Variants in JAK2 observed in about 807,000 individuals in gnomAD.
JAK2 encodes the protein Janus kinase 2.
JAK2 carries 86 observed loss-of-function variants against 139.3 expected under a neutral mutation model. That is an observed-to-expected ratio of 0.62 (90% CI 0.52 to 0.74). The LOEUF is 0.74. Among genes scored for constraint, JAK2 ranks in the 30% least tolerant of loss-of-function variants. The pLI is 0.00. For synonymous variants in JAK2, 490 were observed against 437.7 expected (o/e 1.12, Z -1.49); for missense variants, 1,421 against 1,360.3 (o/e 1.04, Z -0.70).
chr9:5,080,954 G>T (rs1344591452), intron 18 of JAK2, among the ~76,000 whole-genome samples: 7 of 142,034 alleles, frequency 4.9e-5, no homozygotes, highest in Admixed American at 2.9e-4. Context: ...GGAGTGCAGT[G>T]GCGCGATCTC....
At chr9:5,078,621 C>G (rs1159873678) in intron 16 of JAK2, among the ~76,000 whole-genome samples, 177 bp downstream of exon 16, 2 of 151,958 alleles carry the variant, frequency 1.3e-5, no homozygotes, top group African/African-American at 2.4e-5. Context: ...ATTTTTCTTT[C>G]TTATAAGCAT....
intron 14 of JAK2, among the ~76,000 whole-genome samples, chr9:5,075,043 C>G (rs965255460): frequency 6.6e-6 from 1 of 151,964 alleles, no homozygotes; most frequent in African/African-American, 2.4e-5. Flanking sequence ...TCACAACATT[C>G]CCTTGAGCCA....
At chr9:5,113,361 C>A (rs772176326) in intron 22 of JAK2, among the ~76,000 whole-genome samples, 3 of 149,384 alleles carry the variant, frequency 2.0e-5, no homozygotes, top group Non-Finnish European at 3.0e-5. Flanking sequence ...TCTTCAAAAG[C>A]CAGCAGCAAA....
intron 2 of JAK2, among the ~76,000 whole-genome samples, chr9:4,986,404 A>G (rs1819953253): frequency 6.6e-6 from 1 of 152,300 alleles, no homozygotes; most frequent in South Asian, 2.1e-4. Context: ...GGTTTCTGCT[A>G]CCACATTGAA....
intron 5 of JAK2, 53 bp downstream of exon 5, chr9:5,044,573 G>C: frequency 9.0e-7 from 1 of 1,116,870 alleles, no homozygotes; most frequent in Non-Finnish European, 1.3e-6. Flanking sequence ...ATATCTTGCT[G>C]TTTAATAAGT....
chr9:5,038,812 C>T (rs1816270209), intron 4 of JAK2, among the ~76,000 whole-genome samples: 1 of 151,956 alleles, frequency 6.6e-6, no homozygotes, highest in Admixed American at 6.6e-5. Context: ...ATACTATGAC[C>T]AGGTGGGATT....
At chr9:5,084,037 T>C (rs1459451287) in intron 19 of JAK2, among the ~76,000 whole-genome samples, 4 of 152,188 alleles carry the variant, frequency 2.6e-5, no homozygotes, top group Non-Finnish European at 5.9e-5. Context: ...TTTATTGTAA[T>C]TTTGAGTTAA....
chr9:5,105,638 G>A (rs544756749), intron 22 of JAK2, among the ~76,000 whole-genome samples: 1 of 152,296 alleles, frequency 6.6e-6, no homozygotes, highest in South Asian at 2.1e-4. Flanking sequence ...CAAAGCTGGA[G>A]GCATCACACT....
intron 2 of JAK2, among the ~76,000 whole-genome samples, chr9:5,000,335 G>A (rs187339589): frequency 2.9e-4 from 44 of 152,084 alleles, no homozygotes; most frequent in Admixed American, 6.5e-4. Flanking sequence ...GGAAATAGTC[G>A]GAAATGTCCA....
Position 5,127,125 on chromosome 9 carries a change from T to TAAAATG in JAK2, c.*334_*335insAAAATG. 3.7e-6 allele frequency: 1 copy of TAAAATG among 269,046 alleles called. No individual in the cohort carries two copies. The highest frequency in any genetic ancestry group is 7.1e-6 in the Non-Finnish European group (1 of 140,748). The allele number at this position is 269,046 out of a possible 1,614,324, so 16.7% of individuals were successfully genotyped here. Reference sequence around the variant, plus strand: ...ACCTGAAAAAATTATTATGTAAATTTTGCAATGTTAAAGATGCACAGAATA... The same window carrying TAAAATG: ...ACCTGAAAAAATTATTATGTAAATTTAAAATGTGCAATGTTAAAGATGCACAGAATA... On this transcript the variant is annotated 3_prime_UTR_variant, in exon 25 of 25. Coordinates refer to ENST00000381652, the MANE Select transcript of JAK2 (RefSeq NM_004972.4).
At chr9:5,055,185 A>G (rs945193959) in intron 7 of JAK2, among the ~76,000 whole-genome samples, 3 of 152,036 alleles carry the variant, frequency 2.0e-5, no homozygotes, top group African/African-American at 7.2e-5. Context: ...GTGATAACAG[A>G]AGGCATAATT....
chr9:5,079,384 T>G (rs908220144), intron 16 of JAK2, among the ~76,000 whole-genome samples: 1 of 152,162 alleles, frequency 6.6e-6, no homozygotes, highest in Non-Finnish European at 1.5e-5. Context: ...CACAGAAACT[T>G]TACTTGAGAA....
intron 16 of JAK2, among the ~76,000 whole-genome samples, chr9:5,079,031 T>C (rs1819497963): frequency 6.6e-6 from 1 of 152,234 alleles, no homozygotes; most frequent in Non-Finnish European, 1.5e-5. Context: ...TTGGATGTTC[T>C]AAATTTAGAT....
At chr9:5,100,739 C>G (rs1052593233) in intron 22 of JAK2, 12 of 152,150 alleles carry the variant, frequency 7.9e-5, no homozygotes, top group African/African-American at 2.9e-4. Flanking sequence ...TCACGATTAC[C>G]TTAGGTATTT....
intron 2 of JAK2, among the ~76,000 whole-genome samples, chr9:4,995,897 G>A (rs1217728105): frequency 2.0e-5 from 3 of 151,716 alleles, no homozygotes; most frequent in Non-Finnish European, 4.4e-5. Flanking sequence ...TGTACTTACT[G>A]AATGGGCATT....
At chr9:5,045,895 A>G (rs1386298852) in intron 5 of JAK2, among the ~76,000 whole-genome samples, 1 of 152,132 alleles carries the variant, frequency 6.6e-6, no homozygotes, top group African/African-American at 2.4e-5. Flanking sequence ...GTTCTTTTCA[A>G]TATATACCCA....
intron 20 of JAK2, 73 bp downstream of exon 20, chr9:5,089,936 T>C (rs1204506804): frequency 2.9e-6 from 3 of 1,044,424 alleles, no homozygotes; most frequent in Non-Finnish European, 3.9e-6. Flanking sequence ...AAATGTACAA[T>C]GTCTTAACGA....
intron 22 of JAK2, among the ~76,000 whole-genome samples, chr9:5,118,940 C>A (rs922084224): frequency 2.6e-5 from 4 of 152,050 alleles, no homozygotes; most frequent in African/African-American, 9.7e-5. Flanking sequence ...GAAAAGTATA[C>A]CAAAAAGCTT....
intron 2 of JAK2, among the ~76,000 whole-genome samples, chr9:4,986,897 G>T (rs556101195): frequency 1.3e-5 from 2 of 152,240 alleles, no homozygotes; most frequent in East Asian, 3.9e-4. Context: ...CATCATGTTG[G>T]TGCTCAAAAT....
Sources: gnomAD v4.1 joint callset for allele counts (sites outside exome capture counted in the v4.1 genomes callset) on GRCh38, gnomAD v4.1.1 for gene constraint, MANE v1.5 for transcripts, NCBI Gene and HGNC (gene_info 2026-07-23, HGNC 2026-07-21) for gene names.